PPP2R5A: variants seen among roughly 807,000 people sequenced by gnomAD.
The protein encoded by PPP2R5A is serine/threonine-protein phosphatase 2A 56 kDa regulatory subunit alpha isoform.
A neutral mutation model predicts 64.2 loss-of-function variants in PPP2R5A; 25 were observed. The ratio of observed to expected loss-of-function variants is 0.39; its 90% confidence interval spans 0.28 to 0.54. The LOEUF is 0.54. Ranked by LOEUF, PPP2R5A falls within the 20% of genes least tolerant of loss-of-function variation. The probability of loss-of-function intolerance (pLI) is 0.67; values close to 1 mark genes in which losing one functional copy is unlikely to be tolerated. For synonymous variants in PPP2R5A, 198 were observed against 201.2 expected, an observed-to-expected ratio of 0.98 and a Z score of 0.13; for missense variants, 425 against 576.3, an observed-to-expected ratio of 0.74 and a Z score of 2.69.
intron 4 of PPP2R5A, among the ~76,000 whole-genome samples, chr1:212,345,595 A>G (rs1479944155): frequency 3.3e-5 from 5 of 152,156 alleles, no homozygotes; most frequent in Admixed American, 6.5e-5. Flanking sequence ...TTTATTGTAA[A>G]TGTCATATTT....
intron 3 of PPP2R5A, 116 bp downstream of exon 3, chr1:212,333,714 A>G: frequency 1.9e-6 from 1 of 533,080 alleles, no homozygotes; most frequent in Non-Finnish European, 3.2e-6. Context: ...TTATGGTTTT[A>G]TTAACATTAT....
intron 4 of PPP2R5A, among the ~76,000 whole-genome samples, chr1:212,345,563 T>C (rs1464254810): frequency 6.6e-6 from 1 of 152,078 alleles, no homozygotes; most frequent in Non-Finnish European, 1.5e-5. Flanking sequence ...TAAAGAAAAA[T>C]CCACTTTTTG....
chr1:212,317,438 G>A (rs1659178228), intron 1 of PPP2R5A, among the ~76,000 whole-genome samples: 1 of 47,658 alleles, frequency 2.1e-5, no homozygotes, highest in African/African-American at 1.1e-4. Flanking sequence ...GGCATGCTGT[G>A]TAGTGTGGGA....
chr1:212,343,331 T>C (rs972251690), intron 4 of PPP2R5A, among the ~76,000 whole-genome samples: 5 of 152,234 alleles, frequency 3.3e-5, no homozygotes, highest in Non-Finnish European at 7.3e-5. Flanking sequence ...TAGGCATTTC[T>C]AGGCCTGAGT....
intron 1 of PPP2R5A, among the ~76,000 whole-genome samples, chr1:212,294,258 C>G (rs888537400): frequency 6.6e-6 from 1 of 151,958 alleles, no homozygotes; most frequent in Admixed American, 6.6e-5. Flanking sequence ...ATTGTTAATC[C>G]CCTGCCTCTA....
At chr1:212,302,871 T>A (rs1392724051) in intron 1 of PPP2R5A, among the ~76,000 whole-genome samples, 1 of 152,208 alleles carries the variant, frequency 6.6e-6, no homozygotes, top group Admixed American at 6.5e-5. Flanking sequence ...CTTCTTTCAT[T>A]CACTTTGCAT....
chr1:212,321,528 A>AG (rs1480902880), intron 1 of PPP2R5A, among the ~76,000 whole-genome samples: 1 of 147,240 alleles, frequency 6.8e-6, no homozygotes, highest in Non-Finnish European at 1.5e-5. Context: ...GTTGCCAGGC[A>AG]GAGGGTCTCC....
intron 1 of PPP2R5A, among the ~76,000 whole-genome samples, chr1:212,294,296 G>C (rs773630156): frequency 4.6e-5 from 7 of 152,130 alleles, no homozygotes; most frequent in African/African-American, 1.2e-4. Context: ...AAGGGAAAAA[G>C]GTGAGACAGT....
At chr1:212,329,425 A>T (rs905450916) in intron 2 of PPP2R5A, 94 bp downstream of exon 2, 11 of 1,087,648 alleles carry the variant, frequency 1.0e-5, no homozygotes, top group Non-Finnish European at 1.4e-5. Flanking sequence ...AATGTACAAT[A>T]ATTAATACAT....
intron 4 of PPP2R5A, among the ~76,000 whole-genome samples, chr1:212,343,085 C>T (rs969202190): frequency 2.8e-4 from 43 of 151,898 alleles, no homozygotes; most frequent in African/African-American, 9.4e-4. Flanking sequence ...GTAGCTGGGA[C>T]TACAGGCACA....
rs535753278 is a variant in PPP2R5A at position 212,345,433 on chromosome 1, C to T, written c.574-370C>T. 3.3e-5 allele frequency among the ~76,000 whole-genome samples: 5 copies of T among 152,054 alleles called. No individual in the cohort carries two copies. In the South Asian group the frequency reaches 6.2e-4, roughly 19 times the overall value. On this transcript the variant is annotated intron_variant, in intron 4 of 12. Transcript: ENST00000261461. ...ATGACTTGCAATCTAAAAACTTAAACGATTTTCTATGTAGTTTTGACGATC... is the reference window on the plus strand; with the variant it reads ...ATGACTTGCAATCTAAAAACTTAAATGATTTTCTATGTAGTTTTGACGATC...
At chr1:212,330,861 A>ATT (rs955195787) in intron 2 of PPP2R5A, among the ~76,000 whole-genome samples, 3 of 146,822 alleles carry the variant, frequency 2.0e-5, no homozygotes, top group African/African-American at 5.0e-5. Flanking sequence ...TCAAAAAAAA[A>ATT]TTTTTTTTTT....
Position 212,347,203 on chromosome 1 carries a change from G to A in PPP2R5A, c.705-144G>A, listed in dbSNP as rs114425966. On this transcript the variant is annotated intron_variant, in intron 5 of 12. Coordinates refer to ENST00000261461, the MANE Select transcript of PPP2R5A (RefSeq NM_006243.4). ...AAGATTGATATGAATTAACTGTTTG[G>A]GGCAAAACTGCTTATAAGACCCAAA... 5.0e-3 allele frequency: 3,066 copies of A among 607,828 alleles called. 61 individuals are homozygous for A. The highest frequency in any genetic ancestry group is 0.047 in the African/African-American group (2,458 of 51,826). 37.7% of individuals were successfully genotyped at this position (607,828 alleles called of 1,614,324 possible). A position where few individuals can be genotyped will look rare whatever the true frequency, so the allele number is the denominator to read the frequency against.
At chr1:212,319,622 T>TTC (rs1553274865) in intron 1 of PPP2R5A, 4 of 139,434 alleles carry the variant, frequency 2.9e-5, no homozygotes, top group East Asian at 2.0e-4. Flanking sequence ...TCTTTTCTTT[T>TTC]TTTTTTTTTT....
At chr1:212,298,298 C>T in intron 1 of PPP2R5A, among the ~76,000 whole-genome samples, 1 of 36,680 alleles carries the variant, frequency 2.7e-5, no homozygotes, top group Non-Finnish European at 4.6e-5. Context: ...ACAAAACCGC[C>T]ATTGTCATCA....
intron 1 of PPP2R5A, among the ~76,000 whole-genome samples, chr1:212,303,011 G>GT (rs1156874649): frequency 6.6e-6 from 1 of 152,114 alleles, no homozygotes; most frequent in Non-Finnish European, 1.5e-5. Flanking sequence ...GGACATTTCA[G>GT]TTCTTTCTAC....
intron 8 of PPP2R5A, chr1:212,352,885 G>A (rs1257078802): frequency 1.9e-6 from 1 of 519,126 alleles, no homozygotes; most frequent in Non-Finnish European, 3.8e-6. Context: ...AAGAGTGACA[G>A]TTTTCCTTGA....
At chr1:212,319,618 C>CTTTTTTTTTTTTTTTT (rs11417541) in intron 1 of PPP2R5A, 5 of 126,964 alleles carry the variant, frequency 3.9e-5, no homozygotes, top group Non-Finnish European at 6.3e-5. Context: ...GTTTTCTTTT[C>CTTTTTTTTTTTTTTTT]TTTTTTTTTT....
intron 8 of PPP2R5A, among the ~76,000 whole-genome samples, chr1:212,351,665 G>A (rs1659882243): frequency 1.3e-5 from 2 of 152,148 alleles, no homozygotes; most frequent in African/African-American, 4.8e-5. Flanking sequence ...GGAGGGCAGA[G>A]GTTGCAGTGA....
Sources: allele counts gnomAD v4.1 joint callset (sites outside exome capture counted in the v4.1 genomes callset), GRCh38; gene constraint gnomAD v4.1.1; transcripts MANE v1.5; gene names NCBI Gene and HGNC (gene_info 2026-07-23, HGNC 2026-07-21).